Variants in AHCTF1 observed in about 807,000 individuals in gnomAD.
AHCTF1 encodes protein ELYS.
AHCTF1 carries 24 observed loss-of-function variants against 248.4 expected under a neutral mutation model. The ratio of observed to expected loss-of-function variants is 0.10; its 90% CI spans 0.07 to 0.14. AHCTF1 has a LOEUF of 0.14. AHCTF1 is among the 10% of genes least tolerant of loss of function. The pLI, the probability that AHCTF1 is intolerant of heterozygous loss-of-function variation, is 1.00. For synonymous variants in AHCTF1, 786 were observed against 929.8 expected (o/e 0.85, Z 2.81); for missense variants, 2,206 against 2,636.2 (o/e 0.84, Z 3.57).
At chr1:246,864,733 G>A (rs1447330231) in intron 26 of AHCTF1, among the ~76,000 whole-genome samples, 3 of 67,062 alleles carry the variant, frequency 4.5e-5, no homozygotes, top group South Asian at 3.7e-4. Flanking sequence ...CCAGCTACTC[G>A]GGAGGCTGAG....
chr1:246,891,767 C>A lies in AHCTF1; in HGVS notation c.1945+12G>T. 1 of 1,604,496 alleles carries A rather than the reference C, an allele frequency of 6.2e-7. No homozygotes were observed. Among genetic ancestry groups the A allele is most frequent in the Non-Finnish European group, 8.5e-7 (1 of 1,177,728 alleles). On this transcript the variant is annotated intron_variant, in intron 15 of 35. Transcript: ENST00000648844. ...TTAATAAAACACTCATTTGATAAAACAAAGAGCGTACCTCTCTCAGTGATC... is the reference window on the plus strand; with the variant it reads ...TTAATAAAACACTCATTTGATAAAAAAAAGAGCGTACCTCTCTCAGTGATC...
chr1:246,886,055 G>C (rs987170612), intron 20 of AHCTF1, among the ~76,000 whole-genome samples: 3 of 152,168 alleles, frequency 2.0e-5, no homozygotes, highest in African/African-American at 7.2e-5. Context: ...AACAAAAAAA[G>C]TGCAGTGGCT....
chr1:246,869,935 C>T (rs1039561493), intron 24 of AHCTF1, among the ~76,000 whole-genome samples: 4 of 152,084 alleles, frequency 2.6e-5, no homozygotes, highest in African/African-American at 4.8e-5. Flanking sequence ...CTGAGAGATC[C>T]GAACAAAGTC....
rs146824779 is a variant in AHCTF1 at position 246,840,993 on chromosome 1, G to T, written c.6614C>A (p.Thr2205Lys). 725 of 1,594,036 alleles carry T rather than the reference G, an allele frequency of 4.5e-4. 3 individuals are homozygous for T. The East Asian group carries it at 0.013, about 29-fold the overall frequency. ...TSKTKQASKN[T>K]EKESAWSPPP... is the part of the protein sequence containing the mutation. ...AGGTGACCAAGCACTTTCTTTTTCT[G>T]TGTTTCTGAAAAAAAAAGATATGAT... Residue 2205 changes from threonine to lysine, a missense_variant, in exon 36 of 36, where the codon ACA becomes AAA. Around this residue, in one of 6 missense-constraint regions of AHCTF1, gnomAD observed 469 missense variants for 470.0 expected, o/e 1.00. Transcript: ENST00000648844.
At chr1:246,862,666 T>C (rs1404250384) in intron 27 of AHCTF1, among the ~76,000 whole-genome samples, 4 of 152,174 alleles carry the variant, frequency 2.6e-5, no homozygotes, top group Admixed American at 2.6e-4. Context: ...ACTGCATCCA[T>C]CTTTCTAAAA....
At chr1:246,852,888 C>T (rs1660815018) in intron 32 of AHCTF1, among the ~76,000 whole-genome samples, 1 of 152,118 alleles carries the variant, frequency 6.6e-6, no homozygotes, top group African/African-American at 2.4e-5. Flanking sequence ...ACAGCACCCA[C>T]CTCCAAGGTT....
At chr1:246,849,181 A>G (rs1323747147) in intron 33 of AHCTF1, among the ~76,000 whole-genome samples, 1 of 152,202 alleles carries the variant, frequency 6.6e-6, no homozygotes, top group Non-Finnish European at 1.5e-5. Flanking sequence ...AATAGTGAAT[A>G]TGGATTGAAA....
In AHCTF1 at chr1:246,931,060, C is replaced by T. The variant is rs1161158803; in HGVS notation, c.-8+518G>A. 17 of 1,533,190 alleles carry T rather than the reference C, an allele frequency of 1.1e-5. No individual in the cohort carries two copies. In the African/African-American group the frequency reaches 2.1e-4, roughly 19 times the overall value. 95.0% of individuals were successfully genotyped at this position (1,533,190 alleles called of 1,614,324 possible). A position where few individuals can be genotyped will look rare whatever the true frequency, so the allele number is the denominator to read the frequency against. On this transcript the variant is annotated intron_variant, in intron 1 of 35. Coordinates refer to ENST00000648844, the MANE Select transcript of AHCTF1 (RefSeq NM_001323342.2). ...TTTATTTTAAATCTCCTTGATCTGA[C>T]CAATCGGGTGAGCTGGAACCTCACG... is the stretch of plus-strand genomic sequence containing the variant.
In AHCTF1 at chr1:246,851,131, T is replaced by G. The variant is rs1489143658; in HGVS notation, c.4875A>C (p.Lys1625Asn). 1.9e-6 allele frequency: 3 copies of G among 1,613,910 alleles called. No homozygotes were observed. ...PKAANTATEEKLVCSGENDNH... is the reference protein window; with the variant it reads ...PKAANTATEENLVCSGENDNH... ...TATCATTTTCCCCACTGCATACAAGTTTTTCTTCAGTTGCTGTGTTAGCTG... is the reference window on the plus strand; with the variant it reads ...TATCATTTTCCCCACTGCATACAAGGTTTTCTTCAGTTGCTGTGTTAGCTG... Residue 1625 changes from lysine (K) to asparagine (N), a missense_variant, in exon 33 of 36, where the codon AAA (lysine) becomes AAC (asparagine). Coordinates refer to ENST00000648844, the MANE Select transcript of AHCTF1 (RefSeq NM_001323342.2).
chr1:246,844,155 C>T (rs1455593268), intron 33 of AHCTF1, among the ~76,000 whole-genome samples: 1 of 152,076 alleles, frequency 6.6e-6, no homozygotes, highest in Non-Finnish European at 1.5e-5. Context: ...ATGCTTCAAA[C>T]TAAAAAGTGC....
chr1:246,893,955 A>C (rs1664390557), intron 14 of AHCTF1, among the ~76,000 whole-genome samples: 1 of 152,104 alleles, frequency 6.6e-6, no homozygotes, highest in Admixed American at 6.6e-5. Context: ...TGTAATACCA[A>C]CACTTTGGAA....
At chr1:246,873,770 C>T (rs1051904880) in intron 24 of AHCTF1, among the ~76,000 whole-genome samples, 23 of 152,220 alleles carry the variant, frequency 1.5e-4, no homozygotes, top group African/African-American at 5.3e-4. Context: ...CCAAACTTCA[C>T]TTTCACCCCA....
chr1:246,842,433 T>C (rs1333597336), intron 35 of AHCTF1, among the ~76,000 whole-genome samples: 1 of 151,556 alleles, frequency 6.6e-6, no homozygotes, highest in Non-Finnish European at 1.5e-5. Flanking sequence ...AATACAAAAA[T>C]TAGCCAGGTG....
At position 246,916,407 on chromosome 1, in the gene AHCTF1, A is replaced by G. The variant is rs1666149113; in HGVS notation, c.122-12T>C. The G allele has an allele frequency of 1.2e-6, 2 of 1,601,282 alleles. No homozygotes were observed. Among genetic ancestry groups the G allele is most frequent in the Admixed American group, 3.5e-5 (2 of 56,752 alleles). ...AAGTCCATTTTTCCCTAGAAGAAAA[A>G]AAAATTGCCTATTTTAATATTGTAT... On this transcript the variant is annotated splice_polypyrimidine_tract_variant and intron_variant, in intron 2 of 35. Transcript: ENST00000648844.
intron 1 of AHCTF1, among the ~76,000 whole-genome samples, chr1:246,920,111 G>A (rs1183573755): frequency 8.2e-6 from 1 of 122,438 alleles, no homozygotes; most frequent in East Asian, 2.6e-4. Context: ...CTGCACTCCA[G>A]CCTGACGACA....
intron 2 of AHCTF1, among the ~76,000 whole-genome samples, 168 bp downstream of exon 2, chr1:246,918,082 T>A (rs1231680789): frequency 1.3e-5 from 2 of 152,174 alleles, no homozygotes; most frequent in Non-Finnish European, 2.9e-5. Context: ...ACTGATAACA[T>A]GTTTAAGAGC....
chr1:246,881,828 G>T (rs1663436843), intron 21 of AHCTF1, among the ~76,000 whole-genome samples: 1 of 138,760 alleles, frequency 7.2e-6, no homozygotes, highest in Non-Finnish European at 1.5e-5. Context: ...ACAGAGCAAG[G>T]CTCCGTCTCA....
chr1:246,888,541 C>A, intron 17 of AHCTF1, 24 bp from the exon 18 acceptor site: 1 of 1,611,674 alleles, frequency 6.2e-7, no homozygotes, highest in Non-Finnish European at 8.5e-7. Context: ...AAAATTAAGA[C>A]TTATTTAATA....
chr1:246,869,276 G>C (rs567875042), intron 24 of AHCTF1, among the ~76,000 whole-genome samples: 2 of 151,916 alleles, frequency 1.3e-5, no homozygotes, highest in Non-Finnish European at 2.9e-5. Context: ...CCCTTTCCCC[G>C]AGGACCTCCC....
Sources: gnomAD v4.1 joint callset for allele counts (sites outside exome capture counted in the v4.1 genomes callset) on GRCh38, gnomAD v4.1.1 for gene constraint, gnomAD v4.1.1 regional missense constraint, MANE v1.5 for transcripts, NCBI Gene and HGNC (gene_info 2026-07-23, HGNC 2026-07-21) for gene names.